Variants in PTPRD observed in about 807,000 individuals in gnomAD.
The protein encoded by PTPRD is protein tyrosine phosphatase receptor type D.
PTPRD carries 34 observed loss-of-function variants against 214.5 expected under a neutral mutation model. That is an observed-to-expected ratio of 0.16 (90% CI 0.12 to 0.21). The LOEUF is 0.21. Among genes scored for constraint, PTPRD ranks in the 10% least tolerant of loss-of-function variants. PTPRD has a pLI of 1.00. For missense variants in PTPRD, 2,545 were observed against 2,398.7 expected (o/e 1.06, Z -1.27); for synonymous variants, 1,128 against 845.7 (o/e 1.33, Z -5.79).
At chr9:10,142,570 A>G (rs1180793286) in intron 3 of PTPRD, among the ~76,000 whole-genome samples, 1 of 151,752 alleles carries the variant, frequency 6.6e-6, no homozygotes, top group Non-Finnish European at 1.5e-5. Flanking sequence ...CAAAACCACA[A>G]TGAGATACCA....
intron 3 of PTPRD, among the ~76,000 whole-genome samples, chr9:10,042,990 G>T (rs772547294): frequency 6.6e-6 from 1 of 151,836 alleles, no homozygotes; most frequent in Non-Finnish European, 1.5e-5. Flanking sequence ...TTTTAACTGA[G>T]AATACTTGAG....
intron 10 of PTPRD, among the ~76,000 whole-genome samples, chr9:9,105,025 G>A (rs2099796524): frequency 6.6e-6 from 1 of 152,166 alleles, no homozygotes; most frequent in Admixed American, 6.5e-5. Flanking sequence ...TAAAAGAAGA[G>A]AATTCTTCCT....
At chr9:9,973,679 G>A (rs1331023932) in intron 4 of PTPRD, among the ~76,000 whole-genome samples, 2 of 152,120 alleles carry the variant, frequency 1.3e-5, no homozygotes, top group African/African-American at 2.4e-5. Flanking sequence ...AAAGTAAGGT[G>A]TCTTCTGTGG....
intron 7 of PTPRD, among the ~76,000 whole-genome samples, chr9:9,620,736 G>C (rs982285557): frequency 6.6e-6 from 1 of 152,004 alleles, no homozygotes; most frequent in African/African-American, 2.4e-5. Flanking sequence ...CATAATATAT[G>C]TTAGCTCTTC....
intron 11 of PTPRD, among the ~76,000 whole-genome samples, chr9:8,775,965 G>A (rs1019913193): frequency 8.5e-5 from 13 of 152,182 alleles, no homozygotes; most frequent in Non-Finnish European, 7.3e-5. Flanking sequence ...CTAGCAGTAG[G>A]TAAAGTTGAT....
rs373246665 is a variant in PTPRD at position 9,957,867 on chromosome 9, C to A, written c.-471-19257G>T. The stretch of plus-strand genomic sequence containing the variant: ...CGATCAACAGAATAGAAGATTAGCA[C>A]TATAAGACAGGGTGAGAAAAAAAAA... On this transcript the variant is annotated intron_variant, in intron 4 of 45. Coordinates refer to ENST00000381196, the MANE Select transcript of PTPRD (RefSeq NM_002839.4). 2.0e-5 allele frequency among the ~76,000 whole-genome samples: 3 copies of A among 151,036 alleles called. No homozygotes were observed. The East Asian group carries it at 5.8e-4, about 29-fold the overall frequency.
intron 2 of PTPRD, among the ~76,000 whole-genome samples, chr9:10,377,949 G>A (rs952885364): frequency 1.3e-5 from 2 of 151,918 alleles, no homozygotes; most frequent in Non-Finnish European, 2.9e-5. Flanking sequence ...TGGATCATAC[G>A]GTAGCTCTAT....
rs542317293 is a variant in PTPRD at position 9,397,722 on chromosome 9, G to A, written c.-236-240C>T. On this transcript the variant is annotated intron_variant, in intron 8 of 45. Transcript: ENST00000381196. ...AAAAATCTTTTTTATAGGCATACCT[G>A]GCATATATATGTATTGCACCAATAT... 9.9e-5 allele frequency among the ~76,000 whole-genome samples: 15 copies of A among 151,944 alleles called. No individual in the cohort carries two copies. In the East Asian group the frequency reaches 2.3e-3, roughly 24 times the overall value.
At chr9:9,698,709 G>A (rs555418362) in intron 7 of PTPRD, among the ~76,000 whole-genome samples, 2 of 152,244 alleles carry the variant, frequency 1.3e-5, no homozygotes, top group Non-Finnish European at 2.9e-5. Flanking sequence ...TCCTGCCAGT[G>A]CACCCAAGAG....
intron 5 of PTPRD, among the ~76,000 whole-genome samples, chr9:9,862,722 TG>T (rs1010981790): frequency 2.0e-4 from 1 of 4,898 alleles, no homozygotes; most frequent in East Asian, 6.6e-3. Context: ...ATGCTATTGG[TG>T]GGGGGCGGGG....
intron 22 of PTPRD, among the ~76,000 whole-genome samples, chr9:8,504,873 T>C (rs2097508103): frequency 6.6e-6 from 1 of 152,016 alleles, no homozygotes; most frequent in Non-Finnish European, 1.5e-5. Flanking sequence ...AAAGAAAACA[T>C]GACCAGAAGT....
chr9:8,867,767 T>C (rs2098224376), intron 11 of PTPRD, among the ~76,000 whole-genome samples: 1 of 152,204 alleles, frequency 6.6e-6, no homozygotes, highest in African/African-American at 2.4e-5. Context: ...TGTTTTTCTC[T>C]TTTTCTTTCT....
chr9:9,806,575 T>C (rs931621865), intron 5 of PTPRD, among the ~76,000 whole-genome samples: 5 of 152,092 alleles, frequency 3.3e-5, no homozygotes, highest in African/African-American at 1.2e-4. Context: ...CCACCGCCTA[T>C]GCCAAACCTG....
intron 7 of PTPRD, among the ~76,000 whole-genome samples, chr9:9,604,583 T>C (rs1436746639): frequency 2.0e-5 from 3 of 152,090 alleles, no homozygotes; most frequent in Non-Finnish European, 2.9e-5. Context: ...CAAAGTGTTC[T>C]TTGAACTTGA....
Position 10,197,513 on chromosome 9 carries a change from C to A in PTPRD, c.-545+143450G>T, listed in dbSNP as rs1042914320. 2.0e-5 allele frequency among the ~76,000 whole-genome samples: 3 copies of A among 152,242 alleles called. 1 individual carries two copies. The South Asian group carries it at 6.2e-4, about 32-fold the overall frequency. On this transcript the variant is annotated intron_variant, in intron 3 of 45. Coordinates refer to ENST00000381196, the MANE Select transcript of PTPRD (RefSeq NM_002839.4). ...ATCATATTTTTCCTCTTAGCAAATT[C>A]ATGCTTTACTTATTACAGGGAACTA...
At chr9:8,947,454 C>A (rs2099072617) in intron 11 of PTPRD, among the ~76,000 whole-genome samples, 1 of 124,798 alleles carries the variant, frequency 8.0e-6, no homozygotes, top group South Asian at 2.6e-4. Flanking sequence ...CAGAGCGAGA[C>A]TCTGTCTCAA....
At chr9:8,915,802 A>G (rs1446439663) in intron 11 of PTPRD, among the ~76,000 whole-genome samples, 1 of 152,224 alleles carries the variant, frequency 6.6e-6, no homozygotes, top group Non-Finnish European at 1.5e-5. Flanking sequence ...GCACATCCAC[A>G]TTAGGAAGAG....
chr9:10,528,052 G>A (rs1012845904), intron 2 of PTPRD, among the ~76,000 whole-genome samples: 2 of 151,930 alleles, frequency 1.3e-5, no homozygotes, highest in Non-Finnish European at 2.9e-5. Flanking sequence ...ACCTCAACAA[G>A]GATTCTTCAC....
chr9:9,039,333 A>G (rs985561841), intron 10 of PTPRD, among the ~76,000 whole-genome samples: 1 of 152,186 alleles, frequency 6.6e-6, no homozygotes, highest in Non-Finnish European at 1.5e-5. Context: ...TGGGTTCACT[A>G]GCTTTAGAAC....
Sources: allele counts gnomAD v4.1 joint callset (sites outside exome capture counted in the v4.1 genomes callset), GRCh38; gene constraint gnomAD v4.1.1; transcripts MANE v1.5; gene names NCBI Gene and HGNC (gene_info 2026-07-23, HGNC 2026-07-21).